Variants in CAPZA2 observed in about 807,000 individuals in gnomAD.
CAPZA2 encodes the protein capping actin protein of muscle Z-line subunit alpha 2.
Under a neutral mutation model 44.0 loss-of-function variants are expected in CAPZA2, and 13 were observed. The observed-to-expected ratio is 0.30, with a 90% CI of 0.19 to 0.47. The LOEUF is 0.47. CAPZA2 is among the 20% of genes least tolerant of loss of function. The pLI is 1.00. For synonymous variants in CAPZA2, 94 were observed against 108.2 expected (o/e 0.87, Z 0.81); for missense variants, 244 against 338.6 (o/e 0.72, Z 2.19).
At position 116,888,119 on chromosome 7, in the gene CAPZA2, T is replaced by G; in HGVS notation, c.40-8T>G. On this transcript the variant is annotated splice_polypyrimidine_tract_variant and splice_region_variant and intron_variant, in intron 1 of 9. Coordinates refer to ENST00000361183, the MANE Select transcript of CAPZA2 (RefSeq NM_006136.3). ...TATGGAACATTTATATCTTTCTTTC[T>G]GTTTCAGGTGCGTATAGCAGCAAAA... 1.9e-6 allele frequency: 3 copies of G among 1,600,918 alleles called. No individual in the cohort carries two copies. The highest frequency in any genetic ancestry group is 2.6e-6 in the Non-Finnish European group (3 of 1,170,988).
intron 9 of CAPZA2, among the ~76,000 whole-genome samples, chr7:116,916,412 C>A (rs890868861): frequency 1.3e-5 from 2 of 152,208 alleles, no homozygotes; most frequent in African/African-American, 4.8e-5. Context: ...ATCACGAGGT[C>A]AAGAGATCAA....
chr7:116,911,927 G>C lies in CAPZA2; in HGVS notation c.586-142G>C, dbSNP rs543398578. On this transcript the variant is annotated intron_variant, in intron 7 of 9. Coordinates refer to ENST00000361183, the MANE Select transcript of CAPZA2 (RefSeq NM_006136.3). The stretch of plus-strand genomic sequence containing the variant: ...GCTGAGGGCAGGAAGAGTCTTGCTG[G>C]AGTTCAAAAGTTTTGGGGCTCAGCA... The C allele has an allele frequency of 3.7e-6, 5 of 1,369,470 alleles. No homozygotes were observed. In the African/African-American group the frequency reaches 4.4e-5, roughly 12 times the overall value. The allele number at this position is 1,369,470 out of a possible 1,614,324, so 84.8% of individuals were successfully genotyped here.
intron 5 of CAPZA2, among the ~76,000 whole-genome samples, chr7:116,904,994 T>TAAAAAC (rs1791472468): frequency 9.5e-6 from 1 of 104,746 alleles, no homozygotes; most frequent in Non-Finnish European, 2.1e-5. Flanking sequence ...AAAAAACAAT[T>TAAAAAC]AGCCGGGCGT....
At position 116,892,983 on chromosome 7, in the gene CAPZA2, T is replaced by C; in HGVS notation, c.104-11T>C. On this transcript the variant is annotated splice_polypyrimidine_tract_variant and intron_variant, in intron 2 of 9. Transcript: ENST00000361183. ...AACAATAATAATGTAGATAACATAA[T>C]TGTTTTGCAGATGTTCGGTTACTGC... 2.5e-6 allele frequency: 4 copies of C among 1,577,122 alleles called. No homozygotes were observed. The highest frequency in any genetic ancestry group is 2.6e-6 in the Non-Finnish European group (3 of 1,151,394).
At chr7:116,877,488 G>A (rs1796637408) in intron 1 of CAPZA2, among the ~76,000 whole-genome samples, 1 of 152,198 alleles carries the variant, frequency 6.6e-6, no homozygotes, top group African/African-American at 2.4e-5. Context: ...TGTGGGATGA[G>A]AAAGAATGGA....
chr7:116,896,282 G>A (rs1406181880), intron 3 of CAPZA2, among the ~76,000 whole-genome samples: 1 of 152,030 alleles, frequency 6.6e-6, no homozygotes, highest in African/African-American at 2.4e-5. Flanking sequence ...ATGTTTCAGA[G>A]CAAAATTAGC....
chr7:116,906,512 A>T, intron 6 of CAPZA2, 170 bp downstream of exon 6: 1 of 1,148,922 alleles, frequency 8.7e-7, no homozygotes, highest in Non-Finnish European at 1.2e-6. Context: ...TCAACAGCCT[A>T]ATCACTAAAG....
Position 116,921,643 on chromosome 7 carries a change from CT to C in CAPZA2, c.*3778del, listed in dbSNP as rs1292955321. On this transcript the variant is annotated 3_prime_UTR_variant, in exon 10 of 10. Transcript: ENST00000361183. ...GTTACAACGAGCGGAGACTGTGCCA[CT>C]TCACTGCAGCCTGGGTGACAGGGTG... 1.3e-5 allele frequency: 2 copies of C among 152,204 alleles called. No individual in the cohort carries two copies. The highest frequency in any genetic ancestry group is 4.8e-5 in the African/African-American group (2 of 41,440). The allele number at this position is 152,204 out of a possible 1,614,324, so 9.4% of individuals were successfully genotyped here.
At chr7:116,876,102 T>G (rs894864484) in intron 1 of CAPZA2, among the ~76,000 whole-genome samples, 3 of 151,892 alleles carry the variant, frequency 2.0e-5, no homozygotes, top group African/African-American at 7.3e-5. Context: ...ATACAAAAAT[T>G]AGCCTGGTGT....
chr7:116,863,176 A>G (rs946254245), intron 1 of CAPZA2, among the ~76,000 whole-genome samples: 5 of 152,190 alleles, frequency 3.3e-5, no homozygotes, highest in Admixed American at 2.6e-4. Context: ...CCTCAAAGCA[A>G]AATGCTTCCT....
chr7:116,900,413 A>AG (rs1796980935), intron 4 of CAPZA2, among the ~76,000 whole-genome samples: 1 of 151,814 alleles, frequency 6.6e-6, no homozygotes, highest in African/African-American at 2.4e-5. Flanking sequence ...CCAAAAAAAA[A>AG]AAAGCTATTA....
At chr7:116,911,583 T>C (rs764862824) in intron 7 of CAPZA2, among the ~76,000 whole-genome samples, 1 of 152,360 alleles carries the variant, frequency 6.6e-6, no homozygotes, top group Non-Finnish European at 1.5e-5. Context: ...TTTACCATGT[T>C]GTGCTGAAAT....
intron 6 of CAPZA2, among the ~76,000 whole-genome samples, chr7:116,908,071 C>T (rs890039263): frequency 2.0e-5 from 3 of 149,058 alleles, no homozygotes; most frequent in Non-Finnish European, 4.4e-5. Context: ...GAAACCTGGG[C>T]AACATAGTAC....
intron 4 of CAPZA2, among the ~76,000 whole-genome samples, chr7:116,901,881 A>ATGTG (rs1554410805): frequency 0.012 from 1,643 of 140,860 alleles, 13 homozygotes; most frequent in Middle Eastern, 0.03. Flanking sequence ...TAACGAAGAA[A>ATGTG]TGTGTGTGTG....
chr7:116,866,379 G>T (rs966138777), intron 1 of CAPZA2, among the ~76,000 whole-genome samples: 23 of 151,968 alleles, frequency 1.5e-4, no homozygotes. Flanking sequence ...CACCGTGTTA[G>T]CCAGGATGGT....
chr7:116,905,089 A>C (rs1275199481), intron 5 of CAPZA2, among the ~76,000 whole-genome samples: 4 of 149,966 alleles, frequency 2.7e-5, no homozygotes, highest in Non-Finnish European at 5.9e-5. Flanking sequence ...CAGTGAGCCG[A>C]GATTGCGCCA....
intron 8 of CAPZA2, among the ~76,000 whole-genome samples, chr7:116,912,447 A>C (rs1791609911): frequency 6.6e-6 from 1 of 152,232 alleles, no homozygotes; most frequent in South Asian, 2.1e-4. Flanking sequence ...CCTTAAAAGA[A>C]ACACTGTACC....
intron 1 of CAPZA2, among the ~76,000 whole-genome samples, chr7:116,863,961 C>T (rs1264841272): frequency 6.6e-6 from 1 of 151,950 alleles, no homozygotes; most frequent in East Asian, 1.9e-4. Flanking sequence ...ATCTTTTTTT[C>T]TCTTGTGTTC....
At chr7:116,882,965 C>G (rs1458975731) in intron 1 of CAPZA2, among the ~76,000 whole-genome samples, 1 of 152,020 alleles carries the variant, frequency 6.6e-6, no homozygotes, top group East Asian at 1.9e-4. Context: ...AAACCATGCC[C>G]CGAAAATCCA....
Sources: gnomAD v4.1 joint callset for allele counts (sites outside exome capture counted in the v4.1 genomes callset) on GRCh38, gnomAD v4.1.1 for gene constraint, MANE v1.5 for transcripts, NCBI Gene and HGNC (gene_info 2026-07-23, HGNC 2026-07-21) for gene names.